ATP8B4: variants seen among roughly 807,000 people sequenced by gnomAD.
The protein encoded by ATP8B4 is ATPase phospholipid transporting 8B4 (putative), also known as probable phospholipid-transporting ATPase IM.
ATP8B4 carries 133 observed loss-of-function variants against 145.6 expected under a neutral mutation model. The ratio of observed to expected loss-of-function variants is 0.91; its 90% CI spans 0.79 to 1.05. The LOEUF is 1.05. Ranked by LOEUF, ATP8B4 falls within the 50% of genes least tolerant of loss-of-function variation. The pLI is 0.00. For missense variants in ATP8B4, 1,458 were observed against 1,425.2 expected, an observed-to-expected ratio of 1.02 and a Z score of -0.37; for synonymous variants, 507 against 492.9, an observed-to-expected ratio of 1.03 and a Z score of -0.38.
intron 20 of ATP8B4, among the ~76,000 whole-genome samples, chr15:49,909,882 G>A (rs963551179): frequency 1.3e-5 from 2 of 152,092 alleles, no homozygotes; most frequent in African/African-American, 2.4e-5. Context: ...AAAATTGGAA[G>A]AAGCGACTGT....
intron 21 of ATP8B4, among the ~76,000 whole-genome samples, chr15:49,899,038 T>C (rs1454188212): frequency 1.3e-5 from 2 of 152,226 alleles, no homozygotes; most frequent in African/African-American, 2.4e-5. Flanking sequence ...ATCAGTATCT[T>C]TGAGTGAATC....
intron 1 of ATP8B4, among the ~76,000 whole-genome samples, chr15:50,126,404 C>T (rs938469250): frequency 4.6e-5 from 7 of 152,078 alleles, no homozygotes; most frequent in African/African-American, 9.7e-5. Flanking sequence ...GGAAATGTCC[C>T]GATGACCTGA....
intron 1 of ATP8B4, among the ~76,000 whole-genome samples, chr15:50,173,350 G>A (rs2044715741): frequency 6.6e-6 from 1 of 152,106 alleles, no homozygotes. Flanking sequence ...TCTGTACTAA[G>A]AAAAATTATT....
At chr15:50,143,680 C>A (rs1047222730) in intron 1 of ATP8B4, among the ~76,000 whole-genome samples, 3 of 152,136 alleles carry the variant, frequency 2.0e-5, no homozygotes, top group Admixed American at 6.5e-5. Flanking sequence ...CTAGGTGCCA[C>A]AGTAGTAAAG....
At chr15:50,148,002 G>A (rs1280392861) in intron 1 of ATP8B4, among the ~76,000 whole-genome samples, 1 of 152,172 alleles carries the variant, frequency 6.6e-6, no homozygotes, top group Non-Finnish European at 1.5e-5. Context: ...TCTTTCCAAT[G>A]CATCTAGCAG....
Position 49,901,035 on chromosome 15 carries a change from A to T in ATP8B4, c.2289+57T>A. ...AGGAGGTCTCATTATGATAGCACAA[A>T]AGAGATGATTATTGCAGTGAAGAAA... On this transcript the variant is annotated intron_variant, in intron 21 of 27. Coordinates refer to ENST00000284509, the MANE Select transcript of ATP8B4 (RefSeq NM_024837.4). The T allele has an allele frequency of 1.9e-6, 3 of 1,575,286 alleles. No homozygotes were observed. In the South Asian group the frequency reaches 3.4e-5, roughly 18 times the overall value.
chr15:50,069,186 G>T (rs1051629934), intron 3 of ATP8B4, among the ~76,000 whole-genome samples: 1 of 152,006 alleles, frequency 6.6e-6, no homozygotes, highest in African/African-American at 2.4e-5. Flanking sequence ...ACACATTTTG[G>T]CAGTCTAAAT....
chr15:50,040,193 G>A (rs1428079313), intron 5 of ATP8B4, among the ~76,000 whole-genome samples: 1 of 152,144 alleles, frequency 6.6e-6, no homozygotes, highest in Non-Finnish European at 1.5e-5. Flanking sequence ...AGATAGTACT[G>A]GCAGAAGATT....
chr15:50,044,797 G>T, intron 4 of ATP8B4, 105 bp from the exon 5 acceptor site: 1 of 673,604 alleles, frequency 1.5e-6, no homozygotes. Flanking sequence ...TGACTTATTT[G>T]TACAAATGGA....
At chr15:49,942,176 C>T (rs890166841) in intron 14 of ATP8B4, among the ~76,000 whole-genome samples, 1 of 151,794 alleles carries the variant, frequency 6.6e-6, no homozygotes, top group African/African-American at 2.4e-5. Context: ...CACTTGTACC[C>T]CAAATGCTAT....
intron 6 of ATP8B4, among the ~76,000 whole-genome samples, chr15:50,019,560 C>T (rs2049365492): frequency 6.6e-6 from 1 of 152,136 alleles, no homozygotes; most frequent in Non-Finnish European, 1.5e-5. Flanking sequence ...TGAAGCACCT[C>T]ATTATAAGGA....
chr15:49,949,723 G>C (rs1016473040), intron 14 of ATP8B4, among the ~76,000 whole-genome samples: 5 of 152,138 alleles, frequency 3.3e-5, no homozygotes, highest in African/African-American at 1.2e-4. Flanking sequence ...GGAATGGTGA[G>C]AGAGGGCATC....
chr15:50,147,625 T>C (rs1345324988), intron 1 of ATP8B4, among the ~76,000 whole-genome samples: 4 of 152,126 alleles, frequency 2.6e-5, no homozygotes, highest in Non-Finnish European at 5.9e-5. Flanking sequence ...TCCTGGAACA[T>C]CTTTTGTTTC....
chr15:50,035,658 C>G (rs149372241), intron 6 of ATP8B4, among the ~76,000 whole-genome samples: 1 of 152,140 alleles, frequency 6.6e-6, no homozygotes, highest in South Asian at 2.1e-4. Context: ...ATGTAGCCAC[C>G]CACCATCCTG....
At position 49,989,830 on chromosome 15, in the gene ATP8B4, A is replaced by G. The variant is rs866379089; in HGVS notation, c.590-2281T>C. ...ATTAGCATAAAACACACACTTCCCA[A>G]TTTCTTTTGTACCACTTTCGAAAAG... On this transcript the variant is annotated intron_variant, in intron 9 of 27. Coordinates refer to ENST00000284509, the MANE Select transcript of ATP8B4 (RefSeq NM_024837.4). 4.6e-5 allele frequency among the ~76,000 whole-genome samples: 7 copies of G among 152,114 alleles called. No homozygotes were observed. The South Asian group carries it at 1.2e-3, about 27-fold the overall frequency.
chr15:49,860,538 CA>C, intron 27 of ATP8B4, 63 bp from the exon 28 acceptor site: 7 of 1,481,928 alleles, frequency 4.7e-6, no homozygotes, highest in Non-Finnish European at 4.5e-6. Context: ...GGCAGTGGCC[CA>C]CTTTGTAAAG....
intron 3 of ATP8B4, among the ~76,000 whole-genome samples, chr15:50,071,302 T>C (rs2053718387): frequency 2.6e-5 from 4 of 152,202 alleles, no homozygotes; most frequent in African/African-American, 7.2e-5. Context: ...GGTAGGCAAA[T>C]GGTATGTTGT....
rs117981770 is a variant in ATP8B4, at chr15:50,019,115, A to G, written c.363-8198T>C. On this transcript the variant is annotated intron_variant, in intron 6 of 27. Coordinates refer to ENST00000284509, the MANE Select transcript of ATP8B4 (RefSeq NM_024837.4). Reference sequence around the variant, plus strand: ...CTTTGAGGATGACTTTTTAGGAACAATCTTGACACTTGCAGAAACCAAATT... The same window carrying G: ...CTTTGAGGATGACTTTTTAGGAACAGTCTTGACACTTGCAGAAACCAAATT... 4,494 of 468,858 alleles carry G rather than the reference A, an allele frequency of 9.6e-3. 34 individuals are homozygous for G. The highest frequency in any genetic ancestry group is 0.012 in the Non-Finnish European group (2,907 of 246,174). 29.0% of individuals were successfully genotyped at this position (468,858 alleles called of 1,614,324 possible).
At chr15:49,978,145 C>G (rs529325012) in intron 12 of ATP8B4, among the ~76,000 whole-genome samples, 1 of 152,148 alleles carries the variant, frequency 6.6e-6, no homozygotes, top group Non-Finnish European at 1.5e-5. Flanking sequence ...TAATATACTT[C>G]CTTTGTGAGG....
Sources: gnomAD v4.1 joint callset for allele counts (sites outside exome capture counted in the v4.1 genomes callset) on GRCh38, gnomAD v4.1.1 for gene constraint, MANE v1.5 for transcripts, NCBI Gene and HGNC (gene_info 2026-07-23, HGNC 2026-07-21) for gene names.